DPF3: variants seen among roughly 807,000 people sequenced by gnomAD.
The protein encoded by DPF3 is zinc finger protein DPF3.
In DPF3, 18 loss-of-function variants were observed where a neutral mutation model predicts 56.8. The ratio of observed to expected loss-of-function variants is 0.32; its 90% CI spans 0.22 to 0.47. The LOEUF is 0.47. DPF3 is among the 20% of genes least tolerant of loss of function. The probability of loss-of-function intolerance (pLI) is 1.00; values close to 1 mark genes in which losing one functional copy is unlikely to be tolerated. For synonymous variants in DPF3, 188 were observed against 180.2 expected (o/e 1.04, Z -0.35); for missense variants, 403 against 488.8 (o/e 0.82, Z 1.65).
At chr14:72,636,587 G>A (rs936290958) in intron 8 of DPF3, among the ~76,000 whole-genome samples, 3 of 152,150 alleles carry the variant, frequency 2.0e-5, no homozygotes, top group African/African-American at 7.2e-5. Context: ...GAAAGGGATG[G>A]ACCAATTCTG....
chr14:72,662,701 C>G (rs1886267206), intron 8 of DPF3: 1 of 987,754 alleles, frequency 1.0e-6, no homozygotes, highest in Non-Finnish European at 1.2e-6. Flanking sequence ...AACACACGCA[C>G]AGGAGGGGGC....
rs554668088 is a variant in DPF3, at chr14:72,782,325, G to A, written c.33-10432C>T. 2.0e-5 allele frequency among the ~76,000 whole-genome samples: 3 copies of A among 151,664 alleles called. No individual in the cohort carries two copies. In the East Asian group the frequency reaches 5.8e-4, roughly 30 times the overall value. ...TGTAGCCTCCACCTCCCAGATTCAA[G>A]CAATCCTCCCACCTCAGCCTCCAGA... On this transcript the variant is annotated intron_variant, in intron 1 of 10. Transcript: ENST00000556509.
intron 1 of DPF3, among the ~76,000 whole-genome samples, chr14:72,776,309 AAC>A (rs1260841057): frequency 6.6e-6 from 1 of 152,208 alleles, no homozygotes; most frequent in Non-Finnish European, 1.5e-5. Context: ...AGGCAAGGGA[AAC>A]AAATTGCTGG....
At position 72,723,733 on chromosome 14, in the gene DPF3, A is replaced by C; in HGVS notation, c.430-5T>G. 6.4e-7 allele frequency: 1 copy of C among 1,568,090 alleles called. No individual in the cohort carries two copies. Among genetic ancestry groups the C allele is most frequent in the Non-Finnish European group, 8.6e-7 (1 of 1,165,878 alleles). Reference sequence around the variant, plus strand: ...TTCATCATTTTCCAAAACCCTCTGAAATGAAAAAAAAAAATAGAAAAGGTG... The same window carrying C: ...TTCATCATTTTCCAAAACCCTCTGACATGAAAAAAAAAAATAGAAAAGGTG... On this transcript the variant is annotated splice_polypyrimidine_tract_variant and splice_region_variant and intron_variant, in intron 4 of 10. Transcript: ENST00000556509.
rs922301775 is a variant in DPF3 at position 72,866,533 on chromosome 14, G to A, written c.32+27524C>T. 4.0e-5 allele frequency among the ~76,000 whole-genome samples: 6 copies of A among 150,456 alleles called. 1 individual carries two copies. Among genetic ancestry groups the A allele is most frequent in the African/African-American group, 1.5e-4 (6 of 41,070 alleles). Reference sequence around the variant, plus strand: ...GCCATGGAGTCTTGGGCAAATCTTGGGCAACTCCTTGGAGTTTTCTCATCG... The same window carrying A: ...GCCATGGAGTCTTGGGCAAATCTTGAGCAACTCCTTGGAGTTTTCTCATCG... On this transcript the variant is annotated intron_variant, in intron 1 of 10. Coordinates refer to ENST00000556509, the MANE Select transcript of DPF3 (RefSeq NM_001280542.3).
intron 8 of DPF3, among the ~76,000 whole-genome samples, chr14:72,667,448 AG>A (rs1335303018): frequency 3.3e-5 from 5 of 152,192 alleles, no homozygotes; most frequent in African/African-American, 1.2e-4. Context: ...CAGAAAACTC[AG>A]GGTGGTACTT....
chr14:72,698,273 T>G (rs1308522834), intron 6 of DPF3, among the ~76,000 whole-genome samples: 1 of 152,234 alleles, frequency 6.6e-6, no homozygotes, highest in Non-Finnish European at 1.5e-5. Flanking sequence ...TATACAGCTG[T>G]TCTGTTTTTC....
At chr14:72,744,301 C>A (rs904697179) in intron 3 of DPF3, among the ~76,000 whole-genome samples, 5 of 152,100 alleles carry the variant, frequency 3.3e-5, no homozygotes, top group Admixed American at 3.3e-4. Flanking sequence ...GAGCCAGGGC[C>A]TCCCTCTGTC....
intron 8 of DPF3, chr14:72,671,530 T>C (rs1278975320): frequency 2.5e-6 from 2 of 814,394 alleles, no homozygotes; most frequent in African/African-American, 1.7e-5. Flanking sequence ...GGAAGAGGCT[T>C]CCCCCACTCC....
chr14:72,827,434 G>A (rs1239855090), intron 1 of DPF3, among the ~76,000 whole-genome samples: 1 of 150,102 alleles, frequency 6.7e-6, no homozygotes, highest in African/African-American at 2.5e-5. Flanking sequence ...TGGCCACCTG[G>A]GTTTTTCTAC....
chr14:72,818,398 T>C (rs1832658245), intron 1 of DPF3, among the ~76,000 whole-genome samples: 1 of 152,162 alleles, frequency 6.6e-6, no homozygotes, highest in South Asian at 2.1e-4. Flanking sequence ...GACATTGTTA[T>C]GCTGGGTGTG....
At chr14:72,681,969 C>A (rs1329214918) in intron 7 of DPF3, among the ~76,000 whole-genome samples, 1 of 152,210 alleles carries the variant, frequency 6.6e-6, no homozygotes, top group Non-Finnish European at 1.5e-5. Flanking sequence ...AATCCCAGCA[C>A]TTTGGGAGGC....
intron 1 of DPF3, among the ~76,000 whole-genome samples, chr14:72,843,402 C>T (rs1290379910): frequency 1.3e-5 from 2 of 152,228 alleles, no homozygotes; most frequent in East Asian, 3.9e-4. Context: ...AATTTTTATA[C>T]AGAAATCTGT....
chr14:72,811,468 G>A (rs563440346), intron 1 of DPF3, among the ~76,000 whole-genome samples: 2 of 152,210 alleles, frequency 1.3e-5, no homozygotes, highest in South Asian at 4.2e-4. Flanking sequence ...AACCAACCTT[G>A]CCAACACCTT....
intron 7 of DPF3, among the ~76,000 whole-genome samples, chr14:72,678,443 C>A (rs1015759626): frequency 6.6e-6 from 1 of 152,196 alleles, no homozygotes; most frequent in East Asian, 1.9e-4. Context: ...CCTGGGTGAT[C>A]CTGTTTATTG....
At chr14:72,745,268 T>C (rs914140798) in intron 3 of DPF3, among the ~76,000 whole-genome samples, 1 of 152,220 alleles carries the variant, frequency 6.6e-6, no homozygotes, top group Non-Finnish European at 1.5e-5. Context: ...TGCTTTTTGT[T>C]GTGCAATTTG....
Position 72,728,595 on chromosome 14 carries a change from C to A in DPF3, c.429+3212G>T, listed in dbSNP as rs1488697601. Among the ~76,000 whole-genome samples the A allele has an allele frequency of 2.6e-5, 4 of 152,076 alleles. No individual in the cohort carries two copies. The East Asian group carries it at 7.7e-4, about 29-fold the overall frequency. On this transcript the variant is annotated intron_variant, in intron 4 of 10. Coordinates refer to ENST00000556509, the MANE Select transcript of DPF3 (RefSeq NM_001280542.3). Reference sequence around the variant, plus strand: ...TGCTCTAGAACAAAAGGACAGCTAGCAAAGTAGGACATGTCAGAGACGGGA... The same window carrying A: ...TGCTCTAGAACAAAAGGACAGCTAGAAAAGTAGGACATGTCAGAGACGGGA...
intron 1 of DPF3, among the ~76,000 whole-genome samples, chr14:72,777,572 C>T (rs1891794502): frequency 6.6e-6 from 1 of 152,086 alleles, no homozygotes; most frequent in Admixed American, 6.5e-5. Flanking sequence ...TACCCCTGCC[C>T]AAATCTCATG....
intron 1 of DPF3, among the ~76,000 whole-genome samples, chr14:72,858,015 C>T (rs1421814659): frequency 6.6e-6 from 1 of 151,870 alleles, no homozygotes; most frequent in Non-Finnish European, 1.5e-5. Flanking sequence ...AAATCAAACC[C>T]AGGTGTAGGC....
Sources: allele counts gnomAD v4.1 joint callset (sites outside exome capture counted in the v4.1 genomes callset), GRCh38; gene constraint gnomAD v4.1.1; transcripts MANE v1.5; gene names NCBI Gene and HGNC (gene_info 2026-07-23, HGNC 2026-07-21).